The following OR2A25 variants were observed in gnomAD, a reference collection of about 807,000 sequenced individuals.
OR2A25 encodes olfactory receptor 2A25.
For missense variants in OR2A25, 362 were observed against 368.3 expected (o/e 0.98, Z 0.14); for synonymous variants, 162 against 148.1 (o/e 1.09, Z -0.68).
chr7:144,070,496 C>A (rs1034468274), intron 1 of OR2A25: 1 of 152,006 alleles, frequency 6.6e-6, no homozygotes, highest in African/African-American at 2.4e-5. Flanking sequence ...TGCCAAATTT[C>A]TGCTATTTAC....
Position 144,075,278 on chromosome 7 carries a change from G to T in OR2A25, c.*126G>T. ...TTCCATCTTCTTGAAATTTTCCTAT[G>T]ACTACCTCCCGAGAAAGCCCATTCT... On this transcript the variant is annotated 3_prime_UTR_variant, in exon 2 of 2. Transcript: ENST00000641663. 1 of 707,150 alleles carries T rather than the reference G, an allele frequency of 1.4e-6. No individual in the cohort carries two copies. Among genetic ancestry groups the T allele is most frequent in the Admixed American group, 2.6e-5 (1 of 37,874 alleles). The allele number at this position is 707,150 out of a possible 1,614,324, so 43.8% of individuals were successfully genotyped here. A position where few individuals can be genotyped will look rare whatever the true frequency, so the allele number is the denominator to read the frequency against.
chr7:144,074,096 C>A, intron 1 of OR2A25, 120 bp from the exon 2 acceptor site: 1 of 902,826 alleles, frequency 1.1e-6, no homozygotes, highest in Middle Eastern at 2.3e-4. Flanking sequence ...TGACTAAGAT[C>A]AAAATATAAT....
At chr7:144,072,743 A>G (rs996626809) in intron 1 of OR2A25, among the ~76,000 whole-genome samples, 1 of 152,148 alleles carries the variant, frequency 6.6e-6, no homozygotes, top group Non-Finnish European at 1.5e-5. Flanking sequence ...ACTGCTGGGT[A>G]TATATCCAAA....
At chr7:144,072,107 G>A (rs1183576039) in intron 1 of OR2A25, among the ~76,000 whole-genome samples, 1 of 151,894 alleles carries the variant, frequency 6.6e-6, no homozygotes, top group Non-Finnish European at 1.5e-5. Flanking sequence ...TTCTTGCTTT[G>A]AAGCAAAACT....
In OR2A25 at chr7:144,074,847, T is replaced by C; in HGVS notation, c.628T>C (p.Phe210Leu). ...AGAVSVLVGA[F>L]FSTVISYVHI... ...GGCAGTGTCTGTGCTGGTGGGAGCC[T>C]TCTTTTCCACTGTAATATCTTATGT... The change falls in exon 2 of 2, where the codon TTC (phenylalanine) becomes CTC (leucine). Residue 210 changes from phenylalanine to leucine, a missense_variant. Coordinates refer to ENST00000641663, the MANE Select transcript of OR2A25 (RefSeq NM_001386096.1). 1 of 1,614,200 alleles carries C rather than the reference T, an allele frequency of 6.2e-7. No homozygotes were observed. The highest frequency in any genetic ancestry group is 8.5e-7 in the Non-Finnish European group (1 of 1,180,026).
intron 1 of OR2A25, among the ~76,000 whole-genome samples, chr7:144,073,281 T>C (rs565896218): frequency 6.6e-6 from 1 of 152,186 alleles, no homozygotes; most frequent in Non-Finnish European, 1.5e-5. Context: ...ATATTTAAGG[T>C]GACAGATAGC....
intron 1 of OR2A25, among the ~76,000 whole-genome samples, chr7:144,073,771 T>A (rs2051085027): frequency 6.6e-6 from 1 of 152,216 alleles, no homozygotes; most frequent in Admixed American, 6.5e-5. Context: ...GATAGCAGGA[T>A]CATTGACATG....
At position 144,074,705 on chromosome 7, in the gene OR2A25, G is replaced by A. The variant is rs201412894; in HGVS notation, c.486G>A (p.Leu162=). The A allele has an allele frequency of 1.4e-4, 231 of 1,613,968 alleles. No homozygotes were observed. The highest frequency in any genetic ancestry group is 1.6e-4 in the Non-Finnish European group (189 of 1,180,006). Residue 162 remains leucine (L), a synonymous_variant, in exon 2 of 2, where the codon CTG becomes CTA. Coordinates refer to ENST00000641663, the MANE Select transcript of OR2A25 (RefSeq NM_001386096.1). ...VLLALVHLVL[L]LPLSFCGPQK... is the part of the protein sequence containing the mutation. ...TGGCCCTTGTCCATCTAGTGTTACT[G>A]CTACCACTGTCCTTCTGTGGACCCC... is the stretch of plus-strand genomic sequence containing the variant.
intron 1 of OR2A25, chr7:144,070,336 C>G (rs554561845): frequency 6.6e-6 from 1 of 152,206 alleles, no homozygotes; most frequent in East Asian, 1.9e-4. Flanking sequence ...GAAGCTTTAC[C>G]TAACTCATAT....
intron 1 of OR2A25, among the ~76,000 whole-genome samples, chr7:144,072,188 T>C (rs758097032): frequency 6.6e-6 from 1 of 152,090 alleles, no homozygotes; most frequent in African/African-American, 2.4e-5. Flanking sequence ...AACTCAATTA[T>C]GAATTTTTCT....
In OR2A25 at chr7:144,074,926, C is replaced by G; in HGVS notation, c.707C>G (p.Ala236Gly). 1.9e-6 allele frequency: 3 copies of G among 1,614,080 alleles called. No individual in the cohort carries two copies. Among genetic ancestry groups the G allele is most frequent in the Non-Finnish European group, 2.5e-6 (3 of 1,179,988 alleles). ...CAGTCAGGAGAGGGGTGCCAGAAAG[C>G]CTTCTCCATCTGCTCCTCCCACCTC... ...KIQSGEGCQK[A>G]FSICSSHLCV... The change falls in exon 2 of 2, where the codon GCC (alanine) becomes GGC (glycine). Residue 236 changes from alanine (A) to glycine (G), a missense_variant. Transcript: ENST00000641663.
At position 144,071,288 on chromosome 7, in the gene OR2A25, C is replaced by T. The variant is rs796788126; in HGVS notation, c.-5+1392C>T. Among the ~76,000 whole-genome samples, 3 of 152,110 alleles carry T rather than the reference C, an allele frequency of 2.0e-5. No individual in the cohort carries two copies. In the East Asian group the frequency reaches 5.8e-4, roughly 29 times the overall value. On this transcript the variant is annotated intron_variant, in intron 1 of 1. Transcript: ENST00000641663. ...ACATGTGATGTTTGTCTTTCTGTGC[C>T]TGGCTTATTTAATTTAACATAATGA...
chr7:144,074,443 G>A lies in OR2A25; in HGVS notation c.224G>A (p.Ser75Asn), dbSNP rs6951485. ...LAVVDIACAC[S>N]TVPQMLVNLL... The stretch of plus-strand genomic sequence containing the variant: ...GTCGTCGACATCGCCTGTGCTTGCA[G>A]CACGGTGCCCCAGATGCTGGTGAAC... The change falls in exon 2 of 2, where the codon AGC becomes AAC. Residue 75 changes from serine to asparagine, a missense_variant. Coordinates refer to ENST00000641663, the MANE Select transcript of OR2A25 (RefSeq NM_001386096.1). The A allele has an allele frequency of 0.55, 887,923 of 1,613,902 alleles. 247,861 individuals are homozygous for A. Among genetic ancestry groups the A allele is most frequent in the African/African-American group, 0.73 (55,101 of 74,968 alleles).
chr7:144,071,875 T>A (rs1180465562), intron 1 of OR2A25, among the ~76,000 whole-genome samples: 7 of 152,136 alleles, frequency 4.6e-5, no homozygotes. Flanking sequence ...CACTGAATCC[T>A]ATTGTTGGAA....
At position 144,075,426 on chromosome 7, in the gene OR2A25, A is replaced by T. The variant is rs2051105796; in HGVS notation, c.*274A>T. On this transcript the variant is annotated 3_prime_UTR_variant, in exon 2 of 2. Transcript: ENST00000641663. ...GAAATATTCTGAAAGTTGGAAATAA[A>T]TGTGTATCTTTTTGTTCTGTAAATA... The T allele has an allele frequency of 7.6e-6, 2 of 261,748 alleles. No individual in the cohort carries two copies. Among genetic ancestry groups the T allele is most frequent in the Non-Finnish European group, 1.4e-5 (2 of 138,418 alleles). The allele number at this position is 261,748 out of a possible 1,614,324, so 16.2% of individuals were successfully genotyped here.
chr7:144,071,989 C>T (rs182001728), intron 1 of OR2A25, among the ~76,000 whole-genome samples: 3 of 152,142 alleles, frequency 2.0e-5, no homozygotes, highest in Admixed American at 1.3e-4. Context: ...CTGAAATCTT[C>T]ATTCCTAATA....
At chr7:144,070,078 A>C (rs2051054078) in intron 1 of OR2A25, among the ~76,000 whole-genome samples, 182 bp downstream of exon 1, 2 of 152,128 alleles carry the variant, frequency 1.3e-5, no homozygotes, top group Non-Finnish European at 2.9e-5. Context: ...AGAGAAAACC[A>C]GAGAGATAAG....
At chr7:144,072,521 C>A (rs977234269) in intron 1 of OR2A25, among the ~76,000 whole-genome samples, 1 of 151,948 alleles carries the variant, frequency 6.6e-6, no homozygotes, top group African/African-American at 2.4e-5. Flanking sequence ...GGCTATGACC[C>A]ATCATGAAAT....
rs747027156 is a variant in OR2A25, at chr7:144,074,806, T to C, written c.587T>C (p.Val196Ala). Residue 196 changes from valine (V) to alanine (A), a missense_variant, in exon 2 of 2, where the codon GTA becomes GCA. Coordinates refer to ENST00000641663, the MANE Select transcript of OR2A25 (RefSeq NM_001386096.1). Reference protein sequence around the residue: ...LACADTHINEVMVLAGAVSVL... With the variant: ...LACADTHINEAMVLAGAVSVL... Reference sequence around the variant, plus strand: ...TGTGCGGATACCCACATTAATGAGGTAATGGTTTTGGCAGGGGCAGTGTCT... The same window carrying C: ...TGTGCGGATACCCACATTAATGAGGCAATGGTTTTGGCAGGGGCAGTGTCT... 1 of 1,614,194 alleles carries C rather than the reference T, an allele frequency of 6.2e-7. No homozygotes were observed. Among genetic ancestry groups the C allele is most frequent in the South Asian group, 1.1e-5 (1 of 91,090 alleles).
Sources: allele counts gnomAD v4.1 joint callset (sites outside exome capture counted in the v4.1 genomes callset), GRCh38; gene constraint gnomAD v4.1.1; transcripts MANE v1.5; gene names NCBI Gene and HGNC (gene_info 2026-07-23, HGNC 2026-07-21).